SLC45A4: variants seen among roughly 807,000 people sequenced by gnomAD.
The protein encoded by SLC45A4 is solute carrier family 45 member 4, also known as polyamine-transporter SLC45A4.
A neutral mutation model predicts 63.7 loss-of-function variants in SLC45A4; 32 were observed. The observed-to-expected ratio is 0.50, with a 90% CI of 0.38 to 0.67. The LOEUF (loss-of-function observed/expected upper bound fraction) is 0.67, where lower values mean the gene tolerates loss of function less well. Ranked by LOEUF, SLC45A4 falls within the 30% of genes least tolerant of loss-of-function variation. The probability of loss-of-function intolerance (pLI) is 0.00; values close to 1 mark genes in which losing one functional copy is unlikely to be tolerated. For missense variants in SLC45A4, 1,027 were observed against 1,157.7 expected (o/e 0.89, Z 1.64); for synonymous variants, 535 against 510.0 (o/e 1.05, Z -0.66).
At chr8:141,216,511 G>A (rs997088923) in intron 6 of SLC45A4, among the ~76,000 whole-genome samples, 7 of 152,202 alleles carry the variant, frequency 4.6e-5, no homozygotes, top group Non-Finnish European at 7.3e-5. Flanking sequence ...CCAATGCGCC[G>A]GCTGCTGCTG....
At chr8:141,270,295 G>A (rs568594499) in intron 1 of SLC45A4, among the ~76,000 whole-genome samples, 5 of 151,860 alleles carry the variant, frequency 3.3e-5, no homozygotes, top group Middle Eastern at 6.8e-3. Context: ...GGGAGGCTGA[G>A]GAAGGAGGAT....
intron 1 of SLC45A4, among the ~76,000 whole-genome samples, chr8:141,293,467 G>T (rs1418352537): frequency 4.0e-5 from 6 of 151,308 alleles, no homozygotes; most frequent in Non-Finnish European, 7.4e-5. Flanking sequence ...GAAAAAAAAA[G>T]AAAATAAAAT....
Position 141,215,982 on chromosome 8 carries a change from G to C in SLC45A4, c.1730-12C>G. The C allele has an allele frequency of 6.2e-7, 1 of 1,610,982 alleles. No homozygotes were observed. The highest frequency in any genetic ancestry group is 1.1e-5 in the South Asian group (1 of 90,844). ...CTTCTGTAACAGGGCTGCAGAGAGG[G>C]GCACAGGGACAAGGACAGTGGGCAG... On this transcript the variant is annotated splice_polypyrimidine_tract_variant and intron_variant, in intron 6 of 8. Coordinates refer to ENST00000517878, the MANE Select transcript of SLC45A4 (RefSeq NM_001286646.2). The surrounding 1 kb of genome is among the most constrained non-coding windows in gnomAD (Gnocchi z 4.3).
At chr8:141,231,674 C>T (rs532767261) in intron 2 of SLC45A4, among the ~76,000 whole-genome samples, 1 of 152,308 alleles carries the variant, frequency 6.6e-6, no homozygotes, top group East Asian at 1.9e-4. Flanking sequence ...GACCCAGGGA[C>T]CATGGGGGAC....
intron 4 of SLC45A4, 65 bp downstream of exon 4, chr8:141,219,585 C>CCCT (rs1826451447): frequency 1.3e-6 from 2 of 1,528,028 alleles, no homozygotes. Flanking sequence ...GGCTCCTGTC[C>CCCT]CCTCCCCACA....
intron 1 of SLC45A4, among the ~76,000 whole-genome samples, chr8:141,275,146 C>T (rs1829684491): frequency 6.6e-6 from 1 of 152,326 alleles, no homozygotes; most frequent in Admixed American, 6.5e-5. Flanking sequence ...TATCCCATAA[C>T]CTCGTGGTCC....
chr8:141,301,709 T>C (rs1415253071), intron 1 of SLC45A4, among the ~76,000 whole-genome samples: 1 of 105,558 alleles, frequency 9.5e-6, no homozygotes, highest in Non-Finnish European at 1.8e-5. Flanking sequence ...GACTCCAGCC[T>C]GGGGGACAGA....
rs945654625 is a variant in SLC45A4 at position 141,278,051 on chromosome 8, G to C, written c.-400-23422C>G. On this transcript the variant is annotated intron_variant, in intron 1 of 8. Coordinates refer to ENST00000517878, the MANE Select transcript of SLC45A4 (RefSeq NM_001286646.2). The surrounding 1 kb of genome is among the most constrained non-coding windows in gnomAD (Gnocchi z 4.1). ...AGCCTCCCAAGCAGCTGGGACTACA[G>C]ATGCATGCCAACATCCATGTCCGAC... is the stretch of plus-strand genomic sequence containing the variant. Among the ~76,000 whole-genome samples the C allele has an allele frequency of 6.6e-6, 1 of 152,242 alleles. No homozygotes were observed. The highest frequency in any genetic ancestry group is 1.5e-5 in the Non-Finnish European group (1 of 68,042).
intron 1 of SLC45A4, among the ~76,000 whole-genome samples, chr8:141,276,625 C>T (rs549623585): frequency 1.4e-4 from 21 of 152,178 alleles, no homozygotes; most frequent in African/African-American, 9.7e-5. Flanking sequence ...GCCCCAGTGT[C>T]GCCCACGCCT....
intron 2 of SLC45A4, chr8:141,228,539 C>T: frequency 7.8e-7 from 1 of 1,283,036 alleles, no homozygotes; most frequent in Non-Finnish European, 9.9e-7. Context: ...CAGGCACTCC[C>T]CGCAGCTGGA....
In SLC45A4 at chr8:141,296,836, C is replaced by CAAA. The variant is rs34267017; in HGVS notation, c.-401+11257_-401+11259dup. The stretch of plus-strand genomic sequence containing the variant: ...GGGTGACACAGCGAGACTCCATTGC[C>CAAA]AAAAAAAAAAAAAAAAAAAAAGTGG... On this transcript the variant is annotated intron_variant, in intron 1 of 8. Transcript: ENST00000517878. Among the ~76,000 whole-genome samples, 112 of 77,100 alleles carry CAAA rather than the reference C, an allele frequency of 1.5e-3. 1 individual carries two copies. The highest frequency in any genetic ancestry group is 0.02 in the Middle Eastern group (2 of 102). The allele number at this position is 77,100 out of a possible 152,430, so 50.6% of individuals were successfully genotyped here.
chr8:141,297,076 C>G (rs10106592), intron 1 of SLC45A4, among the ~76,000 whole-genome samples: 2 of 150,556 alleles, frequency 1.3e-5, no homozygotes, highest in Non-Finnish European at 2.9e-5. Flanking sequence ...GTTACTGAGT[C>G]CCCCCCAGGT....
intron 2 of SLC45A4, 65 bp downstream of exon 2, chr8:141,253,924 A>G: frequency 6.6e-7 from 1 of 1,519,100 alleles, no homozygotes; most frequent in East Asian, 2.5e-5. Flanking sequence ...AGAGGATCAG[A>G]GCCACGCCCA....
chr8:141,290,051 A>C (rs1329156353), intron 1 of SLC45A4, among the ~76,000 whole-genome samples: 2 of 152,184 alleles, frequency 1.3e-5, no homozygotes, highest in Non-Finnish European at 2.9e-5. Flanking sequence ...AGCAAAAAAC[A>C]TATTATGTTA....
At chr8:141,284,226 G>C (rs2154615148) in intron 1 of SLC45A4, among the ~76,000 whole-genome samples, 1 of 152,332 alleles carries the variant, frequency 6.6e-6, no homozygotes, top group African/African-American at 2.4e-5. Context: ...TGAGGTCTGG[G>C]ATGTAAGAAG....
rs145471449 is a variant in SLC45A4, at chr8:141,225,984, C to T, written c.242-4219G>A. ...CCCAGCCCTAGGTCAGGCCTCCCCACGCCTCTCTCTGACTCCCACTAACTC... is the reference window on the plus strand; with the variant it reads ...CCCAGCCCTAGGTCAGGCCTCCCCATGCCTCTCTCTGACTCCCACTAACTC... On this transcript the variant is annotated intron_variant, in intron 2 of 8. Transcript: ENST00000517878. 5.1e-3 allele frequency: 781 copies of T among 153,508 alleles called. 8 individuals carry two copies. The highest frequency in any genetic ancestry group is 0.016 in the Middle Eastern group (5 of 308). The allele number at this position is 153,508 out of a possible 1,614,324, so 9.5% of individuals were successfully genotyped here.
intron 1 of SLC45A4, among the ~76,000 whole-genome samples, chr8:141,271,287 G>A (rs949129663): frequency 3.9e-5 from 6 of 152,198 alleles, no homozygotes; most frequent in Admixed American, 1.3e-4. Context: ...TGCACCACAG[G>A]CTAGAGCATC....
intron 1 of SLC45A4, among the ~76,000 whole-genome samples, chr8:141,259,563 C>A (rs1184113508): frequency 6.6e-6 from 1 of 152,246 alleles, no homozygotes; most frequent in Non-Finnish European, 1.5e-5. Flanking sequence ...TCTCCTCTTG[C>A]CCTTCCCACC....
chr8:141,228,138 A>T, intron 2 of SLC45A4: 1 of 1,613,132 alleles, frequency 6.2e-7, no homozygotes, highest in Non-Finnish European at 8.5e-7. Context: ...AGATGGAGTG[A>T]TCTGGGTGGA....
Sources: gnomAD v4.1 joint callset for allele counts (sites outside exome capture counted in the v4.1 genomes callset) on GRCh38, gnomAD v4.1.1 for gene constraint, Gnocchi (gnomAD v3.1) non-coding constraint, MANE v1.5 for transcripts, NCBI Gene and HGNC (gene_info 2026-07-23, HGNC 2026-07-21) for gene names.